RPS6KC1: variants seen among roughly 807,000 people sequenced by gnomAD.
RPS6KC1 encodes the protein ribosomal protein S6 kinase C1.
A neutral mutation model predicts 103.8 loss-of-function variants in RPS6KC1; 54 were observed. The observed-to-expected ratio is 0.52, with a 90% CI of 0.42 to 0.65. The LOEUF (loss-of-function observed/expected upper bound fraction) is 0.65, where lower values mean the gene tolerates loss of function less well. Among genes scored for constraint, RPS6KC1 ranks in the 30% least tolerant of loss-of-function variants. RPS6KC1 has a pLI of 0.00. For missense variants in RPS6KC1, 1,151 were observed against 1,253.8 expected (o/e 0.92, Z 1.24); for synonymous variants, 439 against 438.7 (o/e 1.00, Z -0.01).
At chr1:213,266,558 T>C (rs941069358) in intron 14 of RPS6KC1, among the ~76,000 whole-genome samples, 1 of 152,134 alleles carries the variant, frequency 6.6e-6, no homozygotes, top group Non-Finnish European at 1.5e-5. Context: ...GTCATTTCAG[T>C]GCTCTGGAAA....
At chr1:213,306,792 C>G in the RPS6KC1 span, among the ~76,000 whole-genome samples, 1 of 152,168 alleles carries the variant, frequency 6.6e-6, no homozygotes, top group Admixed American at 6.5e-5. Context: ...GTACAAAGCA[C>G]TTAGTAGGTA....
chr1:213,548,791 C>T, the RPS6KC1 span, among the ~76,000 whole-genome samples: 13 of 152,172 alleles, frequency 8.5e-5, no homozygotes, highest in South Asian at 6.2e-4. Flanking sequence ...ATGGTGGGCT[C>T]ATGGGAAATC....
At chr1:213,636,091 A>G in the RPS6KC1 span, among the ~76,000 whole-genome samples, 1 of 152,220 alleles carries the variant, frequency 6.6e-6, no homozygotes, top group Non-Finnish European at 1.5e-5. Flanking sequence ...AAGGAGAACT[A>G]CAAACCACTG....
the RPS6KC1 span, among the ~76,000 whole-genome samples, chr1:213,449,629 G>A: frequency 6.6e-6 from 1 of 152,160 alleles, no homozygotes; most frequent in Admixed American, 6.5e-5. Context: ...TCCAACATAT[G>A]AATTTTTGCA....
chr1:213,546,071 C>T, the RPS6KC1 span, among the ~76,000 whole-genome samples: 3 of 152,118 alleles, frequency 2.0e-5, no homozygotes, highest in Non-Finnish European at 2.9e-5. Context: ...TCACCTGGAC[C>T]GAAGCCCAGA....
intron 8 of RPS6KC1, among the ~76,000 whole-genome samples, chr1:213,179,594 AT>A (rs2092130382): frequency 6.6e-6 from 1 of 152,218 alleles, no homozygotes; most frequent in Non-Finnish European, 1.5e-5. Context: ...GGATATATTG[AT>A]CTAGTCCTAC....
At chr1:213,555,376 T>C in the RPS6KC1 span, among the ~76,000 whole-genome samples, 1 of 152,232 alleles carries the variant, frequency 6.6e-6, no homozygotes, top group African/African-American at 2.4e-5. Flanking sequence ...TATCTATCTG[T>C]TGAAAATGTA....
At chr1:213,848,974 A>G in the RPS6KC1 span, among the ~76,000 whole-genome samples, 1 of 152,140 alleles carries the variant, frequency 6.6e-6, no homozygotes, top group Non-Finnish European at 1.5e-5. Context: ...CAAAGATGGC[A>G]TGTCATTACT....
intron 6 of RPS6KC1, among the ~76,000 whole-genome samples, chr1:213,160,068 A>G (rs1311802379): frequency 6.6e-6 from 1 of 152,206 alleles, no homozygotes. Flanking sequence ...TATCTTTATA[A>G]TTAAACTTTG....
At chr1:213,719,331 G>A in the RPS6KC1 span, among the ~76,000 whole-genome samples, 1 of 152,120 alleles carries the variant, frequency 6.6e-6, no homozygotes, top group Non-Finnish European at 1.5e-5. Flanking sequence ...AGTATCAGAG[G>A]GTCATGTACT....
the RPS6KC1 span, among the ~76,000 whole-genome samples, chr1:213,416,867 G>C: frequency 6.6e-6 from 1 of 152,274 alleles, no homozygotes; most frequent in East Asian, 1.9e-4. Context: ...CATGGTTTGA[G>C]CCTCTCCTCT....
At position 213,242,011 on chromosome 1, in the gene RPS6KC1, G is replaced by A; in HGVS notation, c.2535G>A (p.Leu845=). Residue 845 remains leucine, a synonymous_variant, in exon 11 of 15, where the codon CTG becomes CTA. Transcript: ENST00000366960. The part of the protein sequence containing the change: ...TDTLKTEEVL[L]FTDQTDDLAK... The stretch of plus-strand genomic sequence containing the variant: ...CTTTAAAAACAGAAGAAGTATTGCT[G>A]TTTACAGATCAGACTGATGATTTGG... 6.2e-7 allele frequency: 1 copy of A among 1,614,038 alleles called. No individual in the cohort carries two copies. The highest frequency in any genetic ancestry group is 1.1e-5 in the South Asian group (1 of 91,080).
the RPS6KC1 span, among the ~76,000 whole-genome samples, chr1:213,372,298 A>G: frequency 2.6e-5 from 4 of 152,186 alleles, no homozygotes; most frequent in African/African-American, 9.6e-5. Flanking sequence ...GCATAAGCTC[A>G]GCTTCTGGGC....
At chr1:213,813,758 G>C in the RPS6KC1 span, among the ~76,000 whole-genome samples, 1 of 152,172 alleles carries the variant, frequency 6.6e-6, no homozygotes, top group Admixed American at 6.5e-5. Flanking sequence ...TGGGGGAGCA[G>C]GGACCTAATC....
chr1:213,085,622 C>T (rs2080316880), intron 3 of RPS6KC1, among the ~76,000 whole-genome samples: 1 of 152,128 alleles, frequency 6.6e-6, no homozygotes, highest in South Asian at 2.1e-4. Context: ...AATTCCTGTA[C>T]CTCTCCACCT....
chr1:213,476,967 A>T, the RPS6KC1 span, among the ~76,000 whole-genome samples: 7 of 152,200 alleles, frequency 4.6e-5, no homozygotes, highest in African/African-American at 1.7e-4. Context: ...TCCATTTCTT[A>T]TTCTTCCTCA....
At chr1:213,608,655 T>A in the RPS6KC1 span, among the ~76,000 whole-genome samples, 1 of 152,204 alleles carries the variant, frequency 6.6e-6, no homozygotes, top group Non-Finnish European at 1.5e-5. Context: ...GGAAAAAAAA[T>A]TCTTATCCAA....
At chr1:213,283,680 G>A in the RPS6KC1 span, among the ~76,000 whole-genome samples, 1 of 152,144 alleles carries the variant, frequency 6.6e-6, no homozygotes, top group African/African-American at 2.4e-5. Context: ...AAATTGACCT[G>A]CCAGCACTGC....
the RPS6KC1 span, among the ~76,000 whole-genome samples, chr1:213,567,196 A>AT: frequency 1.3e-4 from 20 of 152,186 alleles, no homozygotes; most frequent in Admixed American, 2.0e-4. Flanking sequence ...AGAGGAGACT[A>AT]TTTTTTTCCC....
Sources: allele counts gnomAD v4.1 joint callset (sites outside exome capture counted in the v4.1 genomes callset), GRCh38; gene constraint gnomAD v4.1.1; transcripts MANE v1.5; gene names NCBI Gene and HGNC (gene_info 2026-07-23, HGNC 2026-07-21).